The following CLIC5 variants were observed in gnomAD, a reference collection of about 807,000 sequenced individuals.
The protein encoded by CLIC5 is CLIC family member 5.
Under a neutral mutation model 24.7 loss-of-function variants are expected in CLIC5, and 20 were observed. The observed-to-expected ratio is 0.81, with a 90% confidence interval of 0.57 to 1.18. The LOEUF is 1.18. CLIC5 is among the 50% of genes most tolerant of loss of function. The pLI is 0.00. For synonymous variants in CLIC5, 159 were observed against 135.6 expected, an observed-to-expected ratio of 1.17 and a Z score of -1.20; for missense variants, 341 against 326.1, an observed-to-expected ratio of 1.05 and a Z score of -0.35.
At chr6:45,988,765 C>T (rs1765828089) in intron 1 of CLIC5, among the ~76,000 whole-genome samples, 1 of 152,222 alleles carries the variant, frequency 6.6e-6, no homozygotes, top group South Asian at 2.1e-4. Context: ...CAAGTTCCTC[C>T]CTTGCGCTTT....
chr6:45,954,746 C>A (rs990113895), intron 2 of CLIC5, among the ~76,000 whole-genome samples: 1 of 152,224 alleles, frequency 6.6e-6, no homozygotes, highest in Non-Finnish European at 1.5e-5. Flanking sequence ...TAGATCACAA[C>A]TCTCTGAAGA....
chr6:45,988,070 G>T (rs1325336853), intron 1 of CLIC5, among the ~76,000 whole-genome samples: 2 of 152,260 alleles, frequency 1.3e-5, no homozygotes, highest in South Asian at 4.1e-4. Flanking sequence ...TCTATATCAG[G>T]TAAGGGTGAG....
intron 1 of CLIC5, among the ~76,000 whole-genome samples, chr6:46,048,688 C>A (rs1768022160): frequency 6.6e-6 from 1 of 152,144 alleles, no homozygotes; most frequent in Admixed American, 6.5e-5. Context: ...TGGCCTTCCT[C>A]CTTGCCTGGG....
At chr6:45,985,259 G>A (rs1219055220) in intron 1 of CLIC5, among the ~76,000 whole-genome samples, 13 of 152,118 alleles carry the variant, frequency 8.5e-5, no homozygotes, top group Admixed American at 7.9e-4. Context: ...GTAAGAGATG[G>A]GCCCAGAGAG....
chr6:45,911,432 A>T (rs931701668), intron 5 of CLIC5, among the ~76,000 whole-genome samples: 2 of 152,266 alleles, frequency 1.3e-5, no homozygotes, highest in East Asian at 1.9e-4. Context: ...AAAGATGATG[A>T]TCCCTTGGGT....
intron 4 of CLIC5, among the ~76,000 whole-genome samples, chr6:45,931,520 G>A (rs60379910): frequency 0.021 from 3,187 of 152,242 alleles, 124 homozygotes; most frequent in African/African-American, 0.073. Context: ...CCACTATTAT[G>A]TCTCAAGTCT....
At chr6:45,907,167 G>A (rs1762684045) in intron 5 of CLIC5, among the ~76,000 whole-genome samples, 1 of 152,158 alleles carries the variant, frequency 6.6e-6, no homozygotes, top group African/African-American at 2.4e-5. Context: ...ATTTGTCATA[G>A]ATAGATGGCT....
chr6:46,024,122 A>G (rs1767261940), intron 1 of CLIC5, among the ~76,000 whole-genome samples: 1 of 152,176 alleles, frequency 6.6e-6, no homozygotes, highest in South Asian at 2.1e-4. Context: ...GAATATTTTG[A>G]GGGAATTGGG....
rs551519595 is a variant in CLIC5, at chr6:46,045,408, G to T, written c.540+34295C>A. On this transcript the variant is annotated intron_variant, in intron 1 of 5. Transcript: ENST00000185206. ...TCCTTTTGCAATGTGGGAACTGCCTGCCCAGGGGAATATGACTCACCCTGG... is the reference window on the plus strand; with the variant it reads ...TCCTTTTGCAATGTGGGAACTGCCTTCCCAGGGGAATATGACTCACCCTGG... Among the ~76,000 whole-genome samples the T allele has an allele frequency of 3.3e-5, 5 of 152,160 alleles. No homozygotes were observed. In the East Asian group the frequency reaches 7.7e-4, roughly 23 times the overall value.
intron 1 of CLIC5, among the ~76,000 whole-genome samples, chr6:46,036,755 T>C (rs1299970653): frequency 6.6e-6 from 1 of 152,240 alleles, no homozygotes; most frequent in Non-Finnish European, 1.5e-5. Flanking sequence ...TAGTATCAAA[T>C]GTTTTGCTGG....
the CLIC5 span, among the ~76,000 whole-genome samples, chr6:46,114,077 T>A: frequency 1.3e-5 from 2 of 152,156 alleles, no homozygotes; most frequent in Non-Finnish European, 2.9e-5. Context: ...TAAAGAGACA[T>A]TACACTCTGA....
At chr6:45,881,784 A>C (rs1368152511) in intron 6 of CLIC5, among the ~76,000 whole-genome samples, 1 of 152,108 alleles carries the variant, frequency 6.6e-6, no homozygotes, top group Non-Finnish European at 1.5e-5. Flanking sequence ...AAGCCCTGTA[A>C]GTGTCCTTCC....
At chr6:46,117,510 A>C in the CLIC5 span, among the ~76,000 whole-genome samples, 1 of 152,230 alleles carries the variant, frequency 6.6e-6, no homozygotes, top group Non-Finnish European at 1.5e-5. Context: ...TTAATATCTT[A>C]AGTGGGCTAT....
chr6:45,965,450 A>C (rs1423083663), intron 1 of CLIC5, among the ~76,000 whole-genome samples: 2 of 152,208 alleles, frequency 1.3e-5, no homozygotes, highest in African/African-American at 4.8e-5. Context: ...TTTCTATTGA[A>C]GTTTATTGGA....
At chr6:45,930,630 T>C (rs1033867899) in intron 4 of CLIC5, among the ~76,000 whole-genome samples, 1 of 152,298 alleles carries the variant, frequency 6.6e-6, no homozygotes, top group East Asian at 1.9e-4. Flanking sequence ...GGGCAGCACA[T>C]GCTTCCTCAT....
At chr6:46,062,561 TA>T (rs1367801908) in intron 1 of CLIC5, among the ~76,000 whole-genome samples, 1 of 152,220 alleles carries the variant, frequency 6.6e-6, no homozygotes, top group African/African-American at 2.4e-5. Context: ...TTATAAAGCA[TA>T]AAAGTGGGAC....
At chr6:45,913,675 T>C (rs1396868271) in intron 5 of CLIC5, 2 of 697,616 alleles carry the variant, frequency 2.9e-6, no homozygotes, top group African/African-American at 1.8e-5. Flanking sequence ...TGACACTACA[T>C]GCTGCAAATG....
the CLIC5 span, among the ~76,000 whole-genome samples, chr6:46,112,221 C>G: frequency 7.2e-5 from 11 of 152,292 alleles, no homozygotes; most frequent in Non-Finnish European, 1.5e-5. Flanking sequence ...AGATAATCTG[C>G]ATAGATGCAG....
chr6:46,009,682 A>C (rs1766731853), intron 1 of CLIC5, among the ~76,000 whole-genome samples: 2 of 152,170 alleles, frequency 1.3e-5, no homozygotes, highest in South Asian at 4.1e-4. Flanking sequence ...TGATGAGAGC[A>C]CCTATGGCTA....
Sources: gnomAD v4.1 joint callset for allele counts (sites outside exome capture counted in the v4.1 genomes callset) on GRCh38, gnomAD v4.1.1 for gene constraint, MANE v1.5 for transcripts, NCBI Gene and HGNC (gene_info 2026-07-23, HGNC 2026-07-21) for gene names.